Variants in CNR2 observed in about 807,000 individuals in gnomAD.
CNR2 encodes the protein cannabinoid receptor 2.
For synonymous variants in CNR2, 172 were observed against 182.2 expected, an observed-to-expected ratio of 0.94 and a Z score of 0.45; for missense variants, 379 against 439.9, an observed-to-expected ratio of 0.86 and a Z score of 1.24.
intron 1 of CNR2, among the ~76,000 whole-genome samples, chr1:23,894,424 A>G (rs568113171): frequency 1.7e-4 from 1 of 5,772 alleles, no homozygotes; most frequent in African/African-American, 7.6e-4. Flanking sequence ...TCTGTCTCAA[A>G]AAAAAAAAAT....
chr1:23,872,973 G>A lies in CNR2; in HGVS notation c.*1562C>T, dbSNP rs1031472097. The stretch of plus-strand genomic sequence containing the variant: ...GGGGCACAGTCTCATTTATGGCTGG[G>A]TACTCAGGACCCTGCACAGAGCCTG... On this transcript the variant is annotated 3_prime_UTR_variant, in exon 2 of 2. Coordinates refer to ENST00000374472, the MANE Select transcript of CNR2 (RefSeq NM_001841.3). 2 of 152,182 alleles carry A rather than the reference G, an allele frequency of 1.3e-5. No homozygotes were observed. Among genetic ancestry groups the A allele is most frequent in the African/African-American group, 4.8e-5 (2 of 41,446 alleles). The allele number at this position is 152,182 out of a possible 1,614,324, so 9.4% of individuals were successfully genotyped here.
At chr1:23,909,918 A>T (rs1640555887) in intron 1 of CNR2, among the ~76,000 whole-genome samples, 1 of 150,794 alleles carries the variant, frequency 6.6e-6, no homozygotes, top group African/African-American at 2.4e-5. Flanking sequence ...CTTGAGTCTC[A>T]GCTTTGCCAT....
intron 1 of CNR2, among the ~76,000 whole-genome samples, chr1:23,881,902 A>C (rs1166435410): frequency 6.6e-6 from 1 of 151,528 alleles, no homozygotes; most frequent in Non-Finnish European, 1.5e-5. Flanking sequence ...TAAAAAAAAA[A>C]ATTACTAACA....
At chr1:23,886,887 G>A (rs528543630) in intron 1 of CNR2, among the ~76,000 whole-genome samples, 3 of 72,624 alleles carry the variant, frequency 4.1e-5, no homozygotes, top group African/African-American at 9.7e-5. Context: ...CACCCTTTGC[G>A]GTTTTTTTGT....
intron 1 of CNR2, among the ~76,000 whole-genome samples, chr1:23,895,761 C>A (rs535453750): frequency 3.9e-5 from 6 of 152,192 alleles, no homozygotes; most frequent in African/African-American, 1.4e-4. Flanking sequence ...CCTCGGCCTC[C>A]CAAAGTGCTG....
At chr1:23,882,166 G>A (rs1640000100) in intron 1 of CNR2, among the ~76,000 whole-genome samples, 1 of 151,926 alleles carries the variant, frequency 6.6e-6, no homozygotes, top group Admixed American at 6.6e-5. Flanking sequence ...CAGGTTATCT[G>A]CCCACCTTGG....
Position 23,879,548 on chromosome 1 carries a change from G to A in CNR2, c.-45-3886C>T, listed in dbSNP as rs183236776. Among the ~76,000 whole-genome samples the A allele has an allele frequency of 8.1e-3, 1,238 of 152,324 alleles. 3 individuals carry two copies. Among genetic ancestry groups the A allele is most frequent in the Middle Eastern group, 0.034 (10 of 294 alleles). On this transcript the variant is annotated intron_variant, in intron 1 of 1. Transcript: ENST00000374472. ...GGATTACTTCAGCCCAGGTGGTCCA[G>A]TGTGCAGTGATCTATGATTGTGCCA... is the stretch of plus-strand genomic sequence containing the variant.
At chr1:23,881,700 C>A (rs1028863897) in intron 1 of CNR2, among the ~76,000 whole-genome samples, 5 of 151,578 alleles carry the variant, frequency 3.3e-5, no homozygotes, top group African/African-American at 1.2e-4. Flanking sequence ...ATCAGCCTGA[C>A]CAACGTGAAG....
chr1:23,890,689 G>A (rs530486595), intron 1 of CNR2, among the ~76,000 whole-genome samples: 2 of 150,862 alleles, frequency 1.3e-5, no homozygotes, highest in East Asian at 4.0e-4. Flanking sequence ...AGTTTGCAGT[G>A]AGCCGAGATC....
intron 1 of CNR2, chr1:23,902,410 C>T (rs1276894368): frequency 1.3e-6 from 2 of 1,587,636 alleles, no homozygotes; most frequent in African/African-American, 2.7e-5. Flanking sequence ...AGAAAGTTGA[C>T]GCAGGCTTTT....
intron 1 of CNR2, among the ~76,000 whole-genome samples, chr1:23,894,974 C>T (rs907667529): frequency 6.6e-6 from 1 of 151,970 alleles, no homozygotes; most frequent in Non-Finnish European, 1.5e-5. Flanking sequence ...AATCCTAGCA[C>T]TTTGGGAGGC....
chr1:23,879,298 A>G (rs952156439), intron 1 of CNR2, among the ~76,000 whole-genome samples: 2 of 152,132 alleles, frequency 1.3e-5, no homozygotes, highest in African/African-American at 2.4e-5. Flanking sequence ...TGTTTCAAAA[A>G]ACAAAACAAA....
At chr1:23,902,519 G>A in intron 1 of CNR2, 2 of 1,608,608 alleles carry the variant, frequency 1.2e-6, no homozygotes, top group Non-Finnish European at 1.7e-6. Context: ...ACTTTAATAG[G>A]ATCAGAAAGG....
At chr1:23,885,548 A>G (rs1422177065) in intron 1 of CNR2, among the ~76,000 whole-genome samples, 1 of 152,156 alleles carries the variant, frequency 6.6e-6, no homozygotes, top group Non-Finnish European at 1.5e-5. Context: ...CACATCTTCA[A>G]ATGGGGTTAG....
intron 1 of CNR2, among the ~76,000 whole-genome samples, chr1:23,912,894 C>T (rs1054440685): frequency 2.0e-5 from 3 of 152,148 alleles, no homozygotes; most frequent in African/African-American, 7.2e-5. Context: ...TGGCCAGGTG[C>T]AGTGGCTCAT....
chr1:23,899,099 G>A (rs1055220494), intron 1 of CNR2, among the ~76,000 whole-genome samples: 2 of 152,118 alleles, frequency 1.3e-5, no homozygotes, highest in Non-Finnish European at 2.9e-5. Flanking sequence ...ACAAAGAAAT[G>A]CGCTGTCTCC....
In CNR2 at chr1:23,871,483, C is replaced by T. The variant is rs534312636; in HGVS notation, c.*3052G>A. The stretch of plus-strand genomic sequence containing the variant: ...TGGATTAAAACAAGATTTGATTTTC[C>T]AAAACATACGTCAGAGCTTTTCAGA... On this transcript the variant is annotated 3_prime_UTR_variant, in exon 2 of 2. Coordinates refer to ENST00000374472, the MANE Select transcript of CNR2 (RefSeq NM_001841.3). 6.6e-6 allele frequency: 1 copy of T among 152,186 alleles called. No individual in the cohort carries two copies. The highest frequency in any genetic ancestry group is 1.5e-5 in the Non-Finnish European group (1 of 68,032). 9.4% of individuals were successfully genotyped at this position (152,186 alleles called of 1,614,324 possible). A position where few individuals can be genotyped will look rare whatever the true frequency, so the allele number is the denominator to read the frequency against.
chr1:23,886,795 T>C (rs1322343231), intron 1 of CNR2, among the ~76,000 whole-genome samples: 3 of 152,248 alleles, frequency 2.0e-5, no homozygotes, highest in Non-Finnish European at 4.4e-5. Flanking sequence ...GAGCTGCAAT[T>C]ATCCACATAT....
chr1:23,889,364 C>T (rs531387165), intron 1 of CNR2, among the ~76,000 whole-genome samples: 2 of 152,276 alleles, frequency 1.3e-5, no homozygotes, highest in South Asian at 2.1e-4. Context: ...AGATTTGATG[C>T]CACAAGCCTC....
Sources: allele counts gnomAD v4.1 joint callset (sites outside exome capture counted in the v4.1 genomes callset), GRCh38; gene constraint gnomAD v4.1.1; transcripts MANE v1.5; gene names NCBI Gene and HGNC (gene_info 2026-07-23, HGNC 2026-07-21).